ANKHD1: variants seen among roughly 807,000 people sequenced by gnomAD.
ANKHD1 encodes the protein ankyrin repeat and KH domain-containing protein 1.
In ANKHD1, 31 loss-of-function variants were observed where a neutral mutation model predicts 230.5. The ratio of observed to expected loss-of-function variants is 0.13; its 90% CI spans 0.10 to 0.18. The LOEUF (loss-of-function observed/expected upper bound fraction) is 0.18. Among genes scored for constraint, ANKHD1 ranks in the 10% least tolerant of loss-of-function variants. The pLI, the probability that ANKHD1 is intolerant of heterozygous loss-of-function variation, is 1.00. For synonymous variants in ANKHD1, 1,074 were observed against 1,117.6 expected (o/e 0.96, Z 0.78); for missense variants, 2,256 against 3,071.3 (o/e 0.73, Z 6.27).
chr5:140,406,883 A>G (rs1036435411), intron 1 of ANKHD1, among the ~76,000 whole-genome samples: 5 of 152,120 alleles, frequency 3.3e-5, no homozygotes, highest in Non-Finnish European at 1.5e-5. Context: ...GTATTTCTTC[A>G]GGCATTCTTA....
At chr5:140,457,540 T>C (rs1775296489) in intron 7 of ANKHD1, among the ~76,000 whole-genome samples, 1 of 152,192 alleles carries the variant, frequency 6.6e-6, no homozygotes. Flanking sequence ...AAGGATGAGT[T>C]CATGTCCTTT....
In ANKHD1 at chr5:140,507,790, G is replaced by T; in HGVS notation, c.3557G>T (p.Gly1186Val). ...AAGCACATTTCCCCCTTTAGGACTGGGAGTAAACTAGGTATTTCTCCCCTG... is the reference window on the plus strand; with the variant it reads ...AAGCACATTTCCCCCTTTAGGACTGTGAGTAAACTAGGTATTTCTCCCCTG... ...NAGAEINSRT[G>V]SKLGISPLML... The change falls in exon 20 of 34, where the codon GGG (glycine) becomes GTG (valine). Residue 1186 changes from glycine to valine, a missense_variant. Gly to Val is a moderately radical substitution (Grantham distance 109). Transcript: ENST00000360839. This position sits in a 1 kb window ranked among gnomAD's most constrained non-coding sequence, Gnocchi z 4.1. The T allele has an allele frequency of 6.2e-7, 1 of 1,613,840 alleles. No individual in the cohort carries two copies. Among genetic ancestry groups the T allele is most frequent in the Non-Finnish European group, 8.5e-7 (1 of 1,179,902 alleles).
chr5:140,476,257 A>G (rs149582175), intron 10 of ANKHD1, among the ~76,000 whole-genome samples: 3 of 152,252 alleles, frequency 2.0e-5, no homozygotes, highest in Admixed American at 6.5e-5. Context: ...TAGAAGCTCC[A>G]CCATATTATC....
intron 1 of ANKHD1, among the ~76,000 whole-genome samples, chr5:140,426,716 C>T (rs1772448438): frequency 6.6e-6 from 1 of 152,126 alleles, no homozygotes; most frequent in Admixed American, 6.6e-5. Context: ...GTGGTGATGA[C>T]TCTTAAAGAG....
chr5:140,423,337 A>G (rs1772145397), intron 1 of ANKHD1, among the ~76,000 whole-genome samples: 1 of 152,200 alleles, frequency 6.6e-6, no homozygotes, highest in Non-Finnish European at 1.5e-5. Context: ...CAAGATACCA[A>G]ATTCAATGTG....
In ANKHD1 at chr5:140,485,273, C is replaced by G; in HGVS notation, c.1998+25C>G. On this transcript the variant is annotated intron_variant, in intron 12 of 33. Transcript: ENST00000360839. The surrounding 1 kb of genome is among the most constrained non-coding windows in gnomAD (Gnocchi z 4.8). ...GGTAGTCTACTTAAAAATAAGTAAA[C>G]AGGCTGTGTGCGGTGGCTCATGTCT... 6.2e-7 allele frequency: 1 copy of G among 1,600,138 alleles called. No individual in the cohort carries two copies. Among genetic ancestry groups the G allele is most frequent in the Non-Finnish European group, 8.5e-7 (1 of 1,169,946 alleles).
intron 24 of ANKHD1, among the ~76,000 whole-genome samples, chr5:140,516,089 A>G (rs887702583): frequency 2.0e-5 from 3 of 152,198 alleles, no homozygotes; most frequent in Non-Finnish European, 2.9e-5. Flanking sequence ...ACCAATACAG[A>G]GAAGTGCTTA....
intron 7 of ANKHD1, 43 bp from the exon 8 acceptor site, chr5:140,458,582 A>T: frequency 6.4e-7 from 1 of 1,560,126 alleles, no homozygotes; most frequent in Non-Finnish European, 8.7e-7. Context: ...ATCTCAAAAC[A>T]AAAAATTTCT....
chr5:140,412,136 A>G (rs1363881857), intron 1 of ANKHD1, among the ~76,000 whole-genome samples: 3 of 152,140 alleles, frequency 2.0e-5, no homozygotes, highest in African/African-American at 7.2e-5. Flanking sequence ...TCCTGGGTTC[A>G]GGCAATTCTC....
Position 140,436,253 on chromosome 5 carries a change from A to C in ANKHD1, c.456A>C (p.Ala152=). 1.9e-6 allele frequency: 3 copies of C among 1,554,938 alleles called. No homozygotes were observed. Among genetic ancestry groups the C allele is most frequent in the Non-Finnish European group, 2.6e-6 (3 of 1,155,400 alleles). Residue 152 remains alanine (A), a synonymous_variant, in exon 2 of 34, where the codon GCA becomes GCC. Coordinates refer to ENST00000360839, the MANE Select transcript of ANKHD1 (RefSeq NM_017747.3). ...CACGACTAGAAGCATTGCTAGAAGC[A>C]GCAGGTACTTTATTTTTTGTTTTAT... ...TQARLEALLE[A]AGIGKLSTAD... is the part of the protein sequence containing the mutation.
At chr5:140,425,409 C>T (rs1388697482) in intron 1 of ANKHD1, among the ~76,000 whole-genome samples, 2 of 152,106 alleles carry the variant, frequency 1.3e-5, no homozygotes, top group African/African-American at 4.8e-5. Context: ...TATAGGTATG[C>T]ACCACCATGC....
chr5:140,520,493 G>A (rs1215751974), intron 24 of ANKHD1, among the ~76,000 whole-genome samples: 5 of 151,758 alleles, frequency 3.3e-5, no homozygotes, highest in African/African-American at 4.8e-5. Flanking sequence ...TGTTTATTGC[G>A]GCATTATTCA....
At chr5:140,532,057 A>G (rs923707110) in intron 29 of ANKHD1, among the ~76,000 whole-genome samples, 1 of 152,044 alleles carries the variant, frequency 6.6e-6, no homozygotes, top group Non-Finnish European at 1.5e-5. Context: ...AATACAAAAC[A>G]TTAGCTGGGT....
intron 31 of ANKHD1, 50 bp downstream of exon 31, chr5:140,537,639 G>C (rs763407604): frequency 2.0e-6 from 3 of 1,481,050 alleles, no homozygotes; most frequent in Non-Finnish European, 2.7e-6. Context: ...GTAAGCTGTA[G>C]GTTTGCCATT....
In ANKHD1 at chr5:140,449,324, CACTT is replaced by C. The variant is rs777777374; in HGVS notation, c.1242+20_1242+23del. 3.7e-6 allele frequency: 6 copies of C among 1,607,822 alleles called. No homozygotes were observed. Among genetic ancestry groups the C allele is most frequent in the Non-Finnish European group, 5.1e-6 (6 of 1,176,466 alleles). Reference sequence around the variant, plus strand: ...CTGCATGGTAATTTTAAATTACACTCACTTGAGATTTTATGGGAAGAAAAGGTCG... The same window carrying C: ...CTGCATGGTAATTTTAAATTACACTCGAGATTTTATGGGAAGAAAAGGTCG... On this transcript the variant is annotated intron_variant, in intron 7 of 33. Coordinates refer to ENST00000360839, the MANE Select transcript of ANKHD1 (RefSeq NM_017747.3).
In ANKHD1 at chr5:140,539,036, A is replaced by G. The variant is rs1226174601; in HGVS notation, c.7522A>G (p.Met2508Val). The G allele has an allele frequency of 1.2e-6, 2 of 1,612,690 alleles. No homozygotes were observed. Among genetic ancestry groups the G allele is most frequent in the African/African-American group, 1.3e-5 (1 of 74,890 alleles). Residue 2508 changes from methionine to valine, a missense_variant, in exon 33 of 34, where the codon ATG becomes GTG. By Grantham distance (21) the Met-to-Val change is conservative (BLOSUM62 1). Transcript: ENST00000360839. ...CAATCCAGATCCTGCTTGGAACCCT[A>G]TGATAAAAGTTATCCAAAATTCAAC... ...LHNPDPAWNP[M>V]IKVIQNSTEC...
At chr5:140,529,943 G>A (rs1162258556) in intron 29 of ANKHD1, 147 bp downstream of exon 29, 3 of 1,289,120 alleles carry the variant, frequency 2.3e-6, no homozygotes, top group African/African-American at 1.5e-5. Context: ...GTCCCTCATA[G>A]TAAGGAAGTT....
chr5:140,523,108 CT>C (rs374008554), intron 24 of ANKHD1, among the ~76,000 whole-genome samples: 1,353 of 93,486 alleles, frequency 0.014, 14 homozygotes, highest in African/African-American at 0.039. Flanking sequence ...TTTCTTTTTC[CT>C]TTTTTTTTTT....
At position 140,401,863 on chromosome 5, in the gene ANKHD1, G is replaced by C. The variant is rs1468405594; in HGVS notation, c.-105G>C. The C allele has an allele frequency of 7.0e-7, 1 of 1,427,604 alleles. No homozygotes were observed. Among genetic ancestry groups the C allele is most frequent in the Non-Finnish European group, 9.1e-7 (1 of 1,095,308 alleles). 88.4% of individuals were successfully genotyped at this position (1,427,604 alleles called of 1,614,324 possible). A position where few individuals can be genotyped will look rare whatever the true frequency, so the allele number is the denominator to read the frequency against. On this transcript the variant is annotated 5_prime_UTR_variant, in exon 1 of 34. Transcript: ENST00000360839. Reference sequence around the variant, plus strand: ...GAAGTTAGTGGCGCTGCTGGGACGGGGGAAAGGAGACGCTTCTTCCTCTTG... The same window carrying C: ...GAAGTTAGTGGCGCTGCTGGGACGGCGGAAAGGAGACGCTTCTTCCTCTTG...
Sources: gnomAD v4.1 joint callset for allele counts (sites outside exome capture counted in the v4.1 genomes callset) on GRCh38, gnomAD v4.1.1 for gene constraint, Gnocchi (gnomAD v3.1) non-coding constraint, MANE v1.5 for transcripts, NCBI Gene and HGNC (gene_info 2026-07-23, HGNC 2026-07-21) for gene names.